The following ABCD3 variants were observed in gnomAD, a reference collection of about 807,000 sequenced individuals.
The protein encoded by ABCD3 is ATP-binding cassette sub-family D member 3.
Under a neutral mutation model 105.5 loss-of-function variants are expected in ABCD3, and 41 were observed. The ratio of observed to expected loss-of-function variants is 0.39; its 90% confidence interval spans 0.30 to 0.50. The LOEUF (loss-of-function observed/expected upper bound fraction) is 0.50, where lower values mean the gene tolerates loss of function less well. ABCD3 is among the 20% of genes least tolerant of loss of function. The pLI is 0.84. For missense variants in ABCD3, 622 were observed against 806.3 expected (o/e 0.77, Z 2.77); for synonymous variants, 258 against 269.0 (o/e 0.96, Z 0.40).
chr1:94,396,111 ACT>A, the ABCD3 span, among the ~76,000 whole-genome samples: 1 of 151,958 alleles, frequency 6.6e-6, no homozygotes, highest in Non-Finnish European at 1.5e-5. Flanking sequence ...TCAGCTTTAG[ACT>A]CTGTGCTGTG....
chr1:94,423,430 T>C lies in ABCD3; in HGVS notation c.110+4842T>C, dbSNP rs185175755. Among the ~76,000 whole-genome samples the C allele has an allele frequency of 2.6e-3, 391 of 152,302 alleles. 3 individuals are homozygous for C. The highest frequency in any genetic ancestry group is 9.1e-3 in the African/African-American group (378 of 41,558). On this transcript the variant is annotated intron_variant, in intron 1 of 22. Transcript: ENST00000370214. Reference sequence around the variant, plus strand: ...AACACAGTTTCCTCTCCTAAATATTTCTCAGGAATTTCAGGGAGCTTGTGT... The same window carrying C: ...AACACAGTTTCCTCTCCTAAATATTCCTCAGGAATTTCAGGGAGCTTGTGT...
intron 1 of ABCD3, among the ~76,000 whole-genome samples, chr1:94,439,549 G>A (rs1168849158): frequency 6.6e-6 from 1 of 152,144 alleles, no homozygotes; most frequent in Non-Finnish European, 1.5e-5. Flanking sequence ...GGCTGATACA[G>A]GAGAACGTGG....
intron 20 of ABCD3, among the ~76,000 whole-genome samples, chr1:94,505,371 A>ATTTT (rs71097204): frequency 8.4e-6 from 1 of 118,888 alleles, no homozygotes; most frequent in Non-Finnish European, 1.7e-5. Context: ...TGCTTGGCTA[A>ATTTT]TTTTTTTTTT....
chr1:94,423,201 C>T (rs781374599), intron 1 of ABCD3, among the ~76,000 whole-genome samples: 30 of 152,214 alleles, frequency 2.0e-4, no homozygotes, highest in Non-Finnish European at 3.5e-4. Flanking sequence ...CAGGGTCACC[C>T]TATCCATGAA....
Position 94,506,526 on chromosome 1 carries a change from T to C in ABCD3, c.1741-12T>C, listed in dbSNP as rs530854904. 41 of 1,603,806 alleles carry C rather than the reference T, an allele frequency of 2.6e-5. No homozygotes were observed. In the African/African-American group the frequency reaches 4.4e-4, roughly 17 times the overall value. On this transcript the variant is annotated splice_polypyrimidine_tract_variant and intron_variant, in intron 20 of 22. Transcript: ENST00000370214. ...CCTGTGTTTTACACAAAAAATTTTT[T>C]TTATGCTTCAGATGGCAAGATTATT...
At chr1:94,447,023 G>T (rs1660374298) in intron 1 of ABCD3, among the ~76,000 whole-genome samples, 1 of 152,186 alleles carries the variant, frequency 6.6e-6, no homozygotes, top group Admixed American at 6.5e-5. Context: ...AAATTTGCAA[G>T]ATTTGAAGGA....
At chr1:94,433,071 T>C (rs1375133287) in intron 1 of ABCD3, among the ~76,000 whole-genome samples, 1 of 152,060 alleles carries the variant, frequency 6.6e-6, no homozygotes, top group Non-Finnish European at 1.5e-5. Flanking sequence ...TTGGTCAGGC[T>C]GGTCTCGAAT....
At chr1:94,429,544 C>G (rs1659595277) in intron 1 of ABCD3, among the ~76,000 whole-genome samples, 1 of 152,194 alleles carries the variant, frequency 6.6e-6, no homozygotes, top group African/African-American at 2.4e-5. Context: ...ACTTGGTGCC[C>G]TGCATCCCAG....
At chr1:94,502,499 T>G (rs1650146812) in intron 20 of ABCD3, among the ~76,000 whole-genome samples, 1 of 11,180 alleles carries the variant, frequency 8.9e-5, no homozygotes, top group South Asian at 1.6e-3. Context: ...CCCCCCTAGT[T>G]TTTTTTTTTT....
At chr1:94,498,879 A>G (rs1649963244) in intron 18 of ABCD3, 31 bp downstream of exon 18, 2 of 1,608,518 alleles carry the variant, frequency 1.2e-6, no homozygotes, top group Non-Finnish European at 8.5e-7. Flanking sequence ...TCTTTGATCT[A>G]AAGATCTTTT....
Position 94,517,063 on chromosome 1 carries a change from T to G in ABCD3, c.1914T>G (p.His638Gln). 1 of 1,609,752 alleles carries G rather than the reference T, an allele frequency of 6.2e-7. No individual in the cohort carries two copies. The highest frequency in any genetic ancestry group is 8.5e-7 in the Non-Finnish European group (1 of 1,176,532). ...CTTCTTTCCCATAGTACTACCTGCA[T>G]ATGGATGGCAGAGGCAACTATGAAT... ...SLWKHHEYYL[H>Q]MDGRGNYEFK... Residue 638 changes from histidine to glutamine, a missense_variant, in exon 23 of 23, where the codon CAT becomes CAG. Around this residue, in one of 4 missense-constraint regions of ABCD3, gnomAD observed 285 missense variants for 352.5 expected, o/e 0.81. Coordinates refer to ENST00000370214, the MANE Select transcript of ABCD3 (RefSeq NM_002858.4).
the ABCD3 span, among the ~76,000 whole-genome samples, chr1:94,400,421 A>G: frequency 9.2e-5 from 14 of 152,048 alleles, no homozygotes; most frequent in African/African-American, 3.1e-4. Flanking sequence ...AAAAAAAGAA[A>G]GAAAAAGGAA....
the ABCD3 span, among the ~76,000 whole-genome samples, chr1:94,385,972 C>T: frequency 2.0e-5 from 3 of 148,886 alleles, no homozygotes; most frequent in Non-Finnish European, 4.5e-5. Flanking sequence ...ATACCTGATA[C>T]GTACTATAGT....
intron 21 of ABCD3, chr1:94,513,348 A>G (rs1432396511): frequency 6.6e-6 from 1 of 152,040 alleles, no homozygotes; most frequent in African/African-American, 2.4e-5. Context: ...TGCTCTAGCT[A>G]TAGGCTTGAA....
At chr1:94,459,543 A>G (rs188696222) in intron 2 of ABCD3, among the ~76,000 whole-genome samples, 86 of 152,352 alleles carry the variant, frequency 5.6e-4, no homozygotes, top group Admixed American at 8.5e-4. Flanking sequence ...AGTGGAATTT[A>G]TGGTAAATTA....
intron 1 of ABCD3, among the ~76,000 whole-genome samples, chr1:94,458,337 A>G (rs1429285908): frequency 6.6e-6 from 1 of 152,212 alleles, no homozygotes; most frequent in African/African-American, 2.4e-5. Context: ...TTATGTTTGT[A>G]TTTATACACA....
intron 1 of ABCD3, among the ~76,000 whole-genome samples, chr1:94,457,163 GT>G (rs1647616587): frequency 3.3e-5 from 5 of 152,070 alleles, no homozygotes; most frequent in Admixed American, 3.3e-4. Context: ...CAGGTGTATG[GT>G]TGCAAATATT....
chr1:94,468,884 G>C (rs538114767), intron 4 of ABCD3, among the ~76,000 whole-genome samples: 1 of 11,966 alleles, frequency 8.4e-5, no homozygotes, highest in Non-Finnish European at 8.6e-3. Flanking sequence ...AAAAAATCTT[G>C]TATGTATAAG....
At chr1:94,426,884 A>G (rs1659491500) in intron 1 of ABCD3, among the ~76,000 whole-genome samples, 2 of 141,588 alleles carry the variant, frequency 1.4e-5, no homozygotes, top group African/African-American at 5.3e-5. Flanking sequence ...ACCTGGGTGC[A>G]GGTCTTTATA....
Sources: gnomAD v4.1 joint callset for allele counts (sites outside exome capture counted in the v4.1 genomes callset) on GRCh38, gnomAD v4.1.1 for gene constraint, gnomAD v4.1.1 regional missense constraint, MANE v1.5 for transcripts, NCBI Gene and HGNC (gene_info 2026-07-23, HGNC 2026-07-21) for gene names.